GALNT14: variants seen among roughly 807,000 people sequenced by gnomAD.
GALNT14 encodes the protein UDP-GalNAc:polypeptide N-acetylgalactosaminyltransferase 14.
Under a neutral mutation model 77.5 loss-of-function variants are expected in GALNT14, and 60 were observed. The observed-to-expected ratio is 0.77, with a 90% CI of 0.63 to 0.96. The LOEUF (loss-of-function observed/expected upper bound fraction) is 0.96. Among genes scored for constraint, GALNT14 ranks in the 40% least tolerant of loss-of-function variants. The pLI is 0.00. For synonymous variants in GALNT14, 280 were observed against 281.7 expected, an observed-to-expected ratio of 0.99 and a Z score of 0.06; for missense variants, 710 against 731.0, an observed-to-expected ratio of 0.97 and a Z score of 0.33.
At chr2:31,018,014 T>C (rs187895173) in intron 1 of GALNT14, among the ~76,000 whole-genome samples, 46 of 152,318 alleles carry the variant, frequency 3.0e-4, no homozygotes, top group Middle Eastern at 3.4e-3. Context: ...ACTCCACTCA[T>C]TTCCCGAGTA....
At chr2:30,955,805 G>A in intron 5 of GALNT14, 66 bp from the exon 6 acceptor site, 1 of 1,609,368 alleles carries the variant, frequency 6.2e-7, no homozygotes, top group Non-Finnish European at 8.5e-7. Flanking sequence ...AGACCAGGGA[G>A]AAGCCACCCA....
intron 1 of GALNT14, among the ~76,000 whole-genome samples, chr2:31,128,655 C>G (rs939744112): frequency 1.8e-4 from 28 of 151,892 alleles, no homozygotes; most frequent in Admixed American, 1.6e-3. Context: ...GAGGTAGTAG[C>G]AGGGCAGCGT....
intron 1 of GALNT14, among the ~76,000 whole-genome samples, chr2:31,105,094 T>C (rs953159484): frequency 3.3e-5 from 5 of 152,246 alleles, no homozygotes; most frequent in Admixed American, 6.5e-5. Context: ...TTGTCATTTT[T>C]CGGTAAGGAA....
At chr2:31,122,481 G>A (rs79511964) in intron 1 of GALNT14, among the ~76,000 whole-genome samples, 1,773 of 152,302 alleles carry the variant, frequency 0.012, 40 homozygotes, top group African/African-American at 0.04. Context: ...CAGGCTTTTC[G>A]TGAGCAAGCA....
chr2:30,984,824 T>C (rs1669196236), intron 2 of GALNT14, among the ~76,000 whole-genome samples: 1 of 152,186 alleles, frequency 6.6e-6, no homozygotes, highest in Admixed American at 6.5e-5. Context: ...TGCTATTTTG[T>C]CTTTTTCACA....
At chr2:30,997,989 CT>C (rs879570000) in intron 1 of GALNT14, among the ~76,000 whole-genome samples, 44 of 152,224 alleles carry the variant, frequency 2.9e-4, no homozygotes, top group Middle Eastern at 3.4e-3. Context: ...CTGAGTTTGA[CT>C]TTTTTTAGGC....
chr2:31,137,032 T>A (rs1457320903), intron 1 of GALNT14, among the ~76,000 whole-genome samples: 2 of 152,234 alleles, frequency 1.3e-5, no homozygotes, highest in Admixed American at 1.3e-4. Context: ...ACTGCCTGGC[T>A]GGCCAGGAAA....
chr2:30,910,429 A>C (rs1240331577), downstream of GALNT14: 1 of 154,630 alleles, frequency 6.5e-6, no homozygotes, highest in Non-Finnish European at 1.4e-5. Flanking sequence ...AGCTCAGCTT[A>C]GCCCTGAGCC....
At chr2:31,096,086 G>A (rs996166794) in intron 1 of GALNT14, among the ~76,000 whole-genome samples, 3 of 152,092 alleles carry the variant, frequency 2.0e-5, no homozygotes, top group Non-Finnish European at 4.4e-5. Context: ...TTCAAAGCCA[G>A]CAACAATGGA....
intron 1 of GALNT14, among the ~76,000 whole-genome samples, chr2:31,102,650 T>G (rs1677337830): frequency 6.6e-6 from 1 of 152,156 alleles, no homozygotes; most frequent in African/African-American, 2.4e-5. Context: ...TTGCTATTTA[T>G]CAACCAGATC....
intron 1 of GALNT14, among the ~76,000 whole-genome samples, chr2:31,116,058 A>G (rs567973831): frequency 1.3e-5 from 2 of 152,168 alleles, no homozygotes; most frequent in Non-Finnish European, 2.9e-5. Flanking sequence ...TGAATGGGTG[A>G]GTAAAACATC....
intron 1 of GALNT14, among the ~76,000 whole-genome samples, chr2:31,095,094 CAG>C (rs1259127579): frequency 6.6e-6 from 1 of 152,124 alleles, no homozygotes; most frequent in Non-Finnish European, 1.5e-5. Flanking sequence ...GTACCAGAAG[CAG>C]AGTCAAGTCA....
intron 1 of GALNT14, among the ~76,000 whole-genome samples, chr2:31,127,215 A>G (rs1304391624): frequency 2.0e-5 from 3 of 152,204 alleles, no homozygotes; most frequent in African/African-American, 7.2e-5. Flanking sequence ...CCAGGTAACC[A>G]TGAACTGACT....
intron 2 of GALNT14, among the ~76,000 whole-genome samples, chr2:30,978,711 G>A (rs1195307391): frequency 6.6e-6 from 1 of 152,170 alleles, no homozygotes; most frequent in Non-Finnish European, 1.5e-5. Context: ...ATCACGAGGT[G>A]CGCTTTGGGC....
the GALNT14 span, among the ~76,000 whole-genome samples, chr2:30,895,578 C>T: frequency 7.9e-5 from 12 of 152,170 alleles, no homozygotes; most frequent in South Asian, 4.1e-4. Context: ...GGATTAATCA[C>T]GCTACTCAAA....
the GALNT14 span, among the ~76,000 whole-genome samples, chr2:30,887,530 A>T: frequency 6.6e-6 from 1 of 152,132 alleles, no homozygotes; most frequent in East Asian, 1.9e-4. Flanking sequence ...CTTTGGAGAA[A>T]TGTCTATTTA....
At chr2:30,927,233 G>A (rs1665443314) in intron 11 of GALNT14, among the ~76,000 whole-genome samples, 1 of 152,182 alleles carries the variant, frequency 6.6e-6, no homozygotes, top group Non-Finnish European at 1.5e-5. Flanking sequence ...CAACTCTCTA[G>A]AGGAGGGGCA....
At chr2:30,955,206 C>T (rs910824348) in intron 6 of GALNT14, among the ~76,000 whole-genome samples, 21 of 152,068 alleles carry the variant, frequency 1.4e-4, no homozygotes, top group African/African-American at 5.1e-4. Flanking sequence ...AAGACAGAGG[C>T]CCCAGGAATT....
chr2:30,960,421 G>A (rs538447280), intron 3 of GALNT14, among the ~76,000 whole-genome samples: 1 of 152,242 alleles, frequency 6.6e-6, no homozygotes, highest in African/African-American at 2.4e-5. Flanking sequence ...TAAATCGCGT[G>A]CGGCTCTGCA....
Sources: gnomAD v4.1 joint callset for allele counts (sites outside exome capture counted in the v4.1 genomes callset) on GRCh38, gnomAD v4.1.1 for gene constraint, MANE v1.5 for transcripts, NCBI Gene and HGNC (gene_info 2026-07-23, HGNC 2026-07-21) for gene names.